The following NSMCE2 variants were observed in gnomAD, a reference collection of about 807,000 sequenced individuals.
NSMCE2 encodes the protein E3 SUMO-protein ligase NSE2.
A neutral mutation model predicts 23.8 loss-of-function variants in NSMCE2; 24 were observed. The ratio of observed to expected loss-of-function variants is 1.01; its 90% CI spans 0.73 to 1.42. NSMCE2 has a LOEUF of 1.42. NSMCE2 is among the 40% of genes most tolerant of loss of function. NSMCE2 has a pLI of 0.00. For missense variants in NSMCE2, 284 were observed against 296.5 expected (o/e 0.96, Z 0.31); for synonymous variants, 92 against 94.1 (o/e 0.98, Z 0.13).
At chr8:125,146,032 T>C (rs1820655384) in intron 3 of NSMCE2, among the ~76,000 whole-genome samples, 1 of 152,236 alleles carries the variant, frequency 6.6e-6, no homozygotes, top group Non-Finnish European at 1.5e-5. Flanking sequence ...TTCTTTTTGT[T>C]ATCAGATTTC....
chr8:125,184,405 C>G (rs1164415819), intron 5 of NSMCE2, among the ~76,000 whole-genome samples: 1 of 152,006 alleles, frequency 6.6e-6, no homozygotes, highest in Non-Finnish European at 1.5e-5. Context: ...CCTCAGGCCA[C>G]CAGTACACAT....
intron 5 of NSMCE2, among the ~76,000 whole-genome samples, chr8:125,302,220 A>C (rs1005867027): frequency 6.6e-6 from 1 of 152,010 alleles, no homozygotes; most frequent in African/African-American, 2.4e-5. Flanking sequence ...GCCTCCCAAA[A>C]TGCTGGGATT....
At chr8:125,250,225 G>C (rs987821555) in intron 5 of NSMCE2, among the ~76,000 whole-genome samples, 6 of 152,134 alleles carry the variant, frequency 3.9e-5, no homozygotes, top group South Asian at 2.1e-4. Context: ...CCTGACCTTG[G>C]GTGATCCGCC....
intron 5 of NSMCE2, among the ~76,000 whole-genome samples, chr8:125,298,649 G>A (rs1442625248): frequency 1.3e-5 from 2 of 149,790 alleles, no homozygotes; most frequent in East Asian, 3.9e-4. Flanking sequence ...CGTGACCAGT[G>A]GTTCTTAACA....
intron 5 of NSMCE2, among the ~76,000 whole-genome samples, chr8:125,306,613 C>T (rs919464199): frequency 1.3e-5 from 2 of 152,200 alleles, no homozygotes; most frequent in African/African-American, 4.8e-5. Context: ...GAAAATAGCA[C>T]GTTTCTTTTC....
chr8:125,244,410 A>G (rs1825878818), intron 5 of NSMCE2, among the ~76,000 whole-genome samples: 1 of 152,164 alleles, frequency 6.6e-6, no homozygotes, highest in South Asian at 2.1e-4. Context: ...TATATGGCTA[A>G]GGGAGGGGGA....
Position 125,172,668 on chromosome 8 carries a change from A to T in NSMCE2, c.265-9435A>T, listed in dbSNP as rs562175255. 2.6e-5 allele frequency among the ~76,000 whole-genome samples: 4 copies of T among 152,342 alleles called. No individual in the cohort carries two copies. The South Asian group carries it at 8.3e-4, about 32-fold the overall frequency. On this transcript the variant is annotated intron_variant, in intron 4 of 7. Coordinates refer to ENST00000287437, the MANE Select transcript of NSMCE2 (RefSeq NM_173685.4). ...AGCCAGCAACTTATTTTTATAAAACATTAGGAGAAAAAGAGAAGGGGAAAT... is the reference window on the plus strand; with the variant it reads ...AGCCAGCAACTTATTTTTATAAAACTTTAGGAGAAAAAGAGAAGGGGAAAT...
At chr8:125,329,796 TA>T (rs1829804912) in intron 5 of NSMCE2, among the ~76,000 whole-genome samples, 1 of 152,184 alleles carries the variant, frequency 6.6e-6, no homozygotes, top group South Asian at 2.1e-4. Context: ...ACCTGCCTCA[TA>T]GAGTTGTTGT....
chr8:125,151,702 G>A (rs1467347647), intron 4 of NSMCE2, among the ~76,000 whole-genome samples: 1 of 152,210 alleles, frequency 6.6e-6, no homozygotes, highest in Non-Finnish European at 1.5e-5. Context: ...ATATGGAAGA[G>A]TTTTAAGCAA....
chr8:125,223,182 C>T (rs1347295397), intron 5 of NSMCE2, among the ~76,000 whole-genome samples: 1 of 151,658 alleles, frequency 6.6e-6, no homozygotes, highest in Non-Finnish European at 1.5e-5. Context: ...ATGGTGAAAT[C>T]CCATCTGTAC....
intron 5 of NSMCE2, among the ~76,000 whole-genome samples, chr8:125,234,057 G>C (rs1825441100): frequency 1.3e-5 from 2 of 151,422 alleles, no homozygotes; most frequent in South Asian, 4.2e-4. Flanking sequence ...GTCGGGTATG[G>C]TGTCAGGCGC....
intron 5 of NSMCE2, among the ~76,000 whole-genome samples, chr8:125,333,715 A>G (rs1023111358): frequency 6.6e-6 from 1 of 151,074 alleles, no homozygotes; most frequent in Non-Finnish European, 1.5e-5. Flanking sequence ...GGGTTTCACC[A>G]TTTTAGCCGG....
intron 4 of NSMCE2, among the ~76,000 whole-genome samples, chr8:125,161,763 G>T (rs1354520016): frequency 6.7e-6 from 1 of 149,294 alleles, no homozygotes; most frequent in East Asian, 2.0e-4. Context: ...CTGCACTCCA[G>T]CTTGGGTGCC....
intron 5 of NSMCE2, among the ~76,000 whole-genome samples, chr8:125,235,218 G>C (rs1825493125): frequency 6.6e-6 from 1 of 150,914 alleles, no homozygotes; most frequent in South Asian, 2.1e-4. Flanking sequence ...TCCAGCCTGA[G>C]CAACAGAGTG....
chr8:125,293,903 A>G lies in NSMCE2; in HGVS notation c.419-63316A>G, dbSNP rs77298203. Among the ~76,000 whole-genome samples the G allele has an allele frequency of 5.3e-5, 8 of 152,332 alleles. No homozygotes were observed. In the East Asian group the frequency reaches 1.4e-3, roughly 26 times the overall value. On this transcript the variant is annotated intron_variant, in intron 5 of 7. Transcript: ENST00000287437. ...ACAGAGCTAGGCAGCCATCACCACA[A>G]TCAATTTTAGAACATTTTCAAAAAG... is the stretch of plus-strand genomic sequence containing the variant.
chr8:125,280,317 T>C (rs1048981031), intron 5 of NSMCE2, among the ~76,000 whole-genome samples: 1 of 152,224 alleles, frequency 6.6e-6, no homozygotes, highest in African/African-American at 2.4e-5. Context: ...CAGAGAGAGA[T>C]TCCATAAATT....
At position 125,114,540 on chromosome 8, in the gene NSMCE2, C is replaced by T. The variant is rs117364311; in HGVS notation, c.157+12053C>T. The stretch of plus-strand genomic sequence containing the variant: ...TACATACGTACATATGTATATACAG[C>T]AGTGGGTGATTTTGCCCTCCAGGGT... On this transcript the variant is annotated intron_variant, in intron 3 of 7. Transcript: ENST00000287437. 1.1e-3 allele frequency among the ~76,000 whole-genome samples: 166 copies of T among 152,316 alleles called. 2 individuals carry two copies. The East Asian group carries it at 0.027, about 25-fold the overall frequency.
intron 1 of NSMCE2, among the ~76,000 whole-genome samples, chr8:125,101,378 G>T (rs992146654): frequency 5.3e-5 from 8 of 152,186 alleles, no homozygotes; most frequent in African/African-American, 1.9e-4. Context: ...AATTAATTGT[G>T]TACTGTATGC....
At chr8:125,217,966 G>T (rs1388073792) in intron 5 of NSMCE2, among the ~76,000 whole-genome samples, 1 of 151,978 alleles carries the variant, frequency 6.6e-6, no homozygotes, top group Non-Finnish European at 1.5e-5. Context: ...GGTATTTGTG[G>T]TCATTAAAGC....
Sources: allele counts gnomAD v4.1 joint callset (sites outside exome capture counted in the v4.1 genomes callset), GRCh38; gene constraint gnomAD v4.1.1; transcripts MANE v1.5; gene names NCBI Gene and HGNC (gene_info 2026-07-23, HGNC 2026-07-21).